The following SLC4A8 variants were observed in gnomAD, a reference collection of about 807,000 sequenced individuals.
SLC4A8 encodes the protein electroneutral sodium bicarbonate exchanger 1.
A neutral mutation model predicts 125.0 loss-of-function variants in SLC4A8; 40 were observed. That is an observed-to-expected ratio of 0.32 (90% CI 0.25 to 0.42). The LOEUF is 0.42. Ranked by LOEUF, SLC4A8 falls within the 10% of genes least tolerant of loss-of-function variation. SLC4A8 has a pLI of 1.00. For missense variants in SLC4A8, 863 were observed against 1,355.1 expected (o/e 0.64, Z 5.70); for synonymous variants, 456 against 476.0 (o/e 0.96, Z 0.55).
chr12:51,490,562 CAAAAAAAAAAAA>C (rs767679317), intron 19 of SLC4A8, among the ~76,000 whole-genome samples: 1 of 37,568 alleles, frequency 2.7e-5, no homozygotes, highest in African/African-American at 1.1e-4. Flanking sequence ...GACTCCATCT[CAAAAAAAAAAAA>C]AAAAAAAAAA....
chr12:51,492,603 CA>C (rs1951347309), intron 19 of SLC4A8, among the ~76,000 whole-genome samples: 1 of 152,222 alleles, frequency 6.6e-6, no homozygotes, highest in African/African-American at 2.4e-5. Context: ...AGTTCACAAA[CA>C]ACATCGAATT....
At chr12:51,457,283 C>G in intron 5 of SLC4A8, 68 bp from the exon 6 acceptor site, 1 of 1,389,266 alleles carries the variant, frequency 7.2e-7, no homozygotes, top group Non-Finnish European at 1.0e-6. Context: ...CCCCACTCCA[C>G]CTGATGTTGG....
chr12:51,490,908 G>A (rs1264954467), intron 19 of SLC4A8, among the ~76,000 whole-genome samples: 1 of 152,324 alleles, frequency 6.6e-6, no homozygotes, highest in Admixed American at 6.5e-5. Context: ...GACCAGTGAA[G>A]CTGTTGCAGG....
At chr12:51,415,180 GAA>G (rs879491124) in intron 1 of SLC4A8, among the ~76,000 whole-genome samples, 2 of 143,756 alleles carry the variant, frequency 1.4e-5, no homozygotes, top group Non-Finnish European at 1.5e-5. Context: ...TTTACCATTG[GAA>G]AAAAAAAAAG....
At chr12:51,484,108 T>C (rs999254352) in intron 16 of SLC4A8, among the ~76,000 whole-genome samples, 11 of 152,020 alleles carry the variant, frequency 7.2e-5, no homozygotes, top group African/African-American at 2.7e-4. Context: ...CAATACAGGG[T>C]ACATAAATGG....
intron 16 of SLC4A8, chr12:51,480,611 T>C: frequency 1.0e-6 from 1 of 985,610 alleles, no homozygotes. Flanking sequence ...GAAAACATAA[T>C]GTGTCAAAAT....
chr12:51,402,561 A>C (rs577660529), intron 1 of SLC4A8, among the ~76,000 whole-genome samples: 1 of 152,204 alleles, frequency 6.6e-6, no homozygotes, highest in African/African-American at 2.4e-5. Flanking sequence ...GTCCCTACTA[A>C]AAATGCAAAA....
intron 1 of SLC4A8, among the ~76,000 whole-genome samples, chr12:51,396,534 A>T (rs1490319556): frequency 6.6e-6 from 1 of 152,162 alleles, no homozygotes; most frequent in Non-Finnish European, 1.5e-5. Context: ...TGATGGACAA[A>T]GTATCAAAAA....
At chr12:51,426,956 T>TG (rs1949007665) in intron 1 of SLC4A8, among the ~76,000 whole-genome samples, 1 of 148,700 alleles carries the variant, frequency 6.7e-6, no homozygotes, top group South Asian at 2.1e-4. Context: ...TTTTTTTTTT[T>TG]GAGATGGAGT....
intron 1 of SLC4A8, among the ~76,000 whole-genome samples, chr12:51,411,888 C>A (rs1458655052): frequency 6.6e-6 from 1 of 151,854 alleles, no homozygotes; most frequent in Admixed American, 6.6e-5. Flanking sequence ...AGGTTGAAAC[C>A]CTTTCTCTAC....
At chr12:51,419,096 G>A (rs780058108) in intron 1 of SLC4A8, among the ~76,000 whole-genome samples, 6 of 152,156 alleles carry the variant, frequency 3.9e-5, no homozygotes, top group Admixed American at 2.0e-4. Context: ...TGGCTGAATG[G>A]AATTATATTT....
At chr12:51,441,575 T>C (rs1949599816) in intron 2 of SLC4A8, among the ~76,000 whole-genome samples, 1 of 152,214 alleles carries the variant, frequency 6.6e-6, no homozygotes, top group Admixed American at 6.5e-5. Flanking sequence ...GGAAGGCTCA[T>C]GTCCAGTATC....
intron 22 of SLC4A8, among the ~76,000 whole-genome samples, chr12:51,502,605 C>A (rs188778412): frequency 6.0e-5 from 9 of 150,852 alleles, no homozygotes; most frequent in Admixed American, 4.0e-4. Flanking sequence ...AAAAACTGGT[C>A]AACATCATGC....
At chr12:51,408,775 G>T (rs1160523717) in intron 1 of SLC4A8, among the ~76,000 whole-genome samples, 1 of 152,170 alleles carries the variant, frequency 6.6e-6, no homozygotes, top group Non-Finnish European at 1.5e-5. Context: ...TGTCAAGGGA[G>T]CCATTGCTGG....
chr12:51,488,665 T>TTA (rs758787822), intron 17 of SLC4A8, 34 bp from the exon 18 acceptor site: 1 of 1,583,202 alleles, frequency 6.3e-7, no homozygotes, highest in Non-Finnish European at 8.7e-7. Context: ...TGACTATAAC[T>TTA]TAAAATACAA....
rs533721842 is a variant in SLC4A8 at position 51,463,409 on chromosome 12, G to C, written c.1249-205G>C. 9.8e-3 allele frequency among the ~76,000 whole-genome samples: 1,228 copies of C among 125,584 alleles called. 11 individuals carry two copies. Among genetic ancestry groups the C allele is most frequent in the African/African-American group, 0.037 (1,162 of 31,096 alleles). The allele number at this position is 125,584 out of a possible 152,430, so 82.4% of individuals were successfully genotyped here. On this transcript the variant is annotated intron_variant, in intron 10 of 24. Coordinates refer to ENST00000453097, the MANE Select transcript of SLC4A8 (RefSeq NM_001039960.3). Reference sequence around the variant, plus strand: ...CTATGGAACAGGAAGAGAAATTATGGGGTGTGTGTGTGTGTGTGTGTGTGT... The same window carrying C: ...CTATGGAACAGGAAGAGAAATTATGCGGTGTGTGTGTGTGTGTGTGTGTGT...
intron 1 of SLC4A8, among the ~76,000 whole-genome samples, chr12:51,436,473 A>G (rs765567675): frequency 3.3e-5 from 5 of 152,166 alleles, no homozygotes; most frequent in Admixed American, 1.3e-4. Flanking sequence ...ATTTTACATT[A>G]TGTAAATTAT....
At chr12:51,447,101 G>A (rs887296039) in intron 2 of SLC4A8, among the ~76,000 whole-genome samples, 2 of 90,210 alleles carry the variant, frequency 2.2e-5, no homozygotes, top group African/African-American at 7.9e-5. Context: ...TAGAGATAGG[G>A]TCTCATTCTG....
Position 51,396,925 on chromosome 12 carries a change from A to ATTTTTTTTT in SLC4A8, c.-112+5451_-112+5459dup, listed in dbSNP as rs753146267. Among the ~76,000 whole-genome samples the ATTTTTTTTT allele has an allele frequency of 2.7e-4, 29 of 106,306 alleles. 1 individual carries two copies. The highest frequency in any genetic ancestry group is 3.7e-4 in the Non-Finnish European group (21 of 56,072). 69.7% of individuals were successfully genotyped at this position (106,306 alleles called of 152,430 possible). A position where few individuals can be genotyped will look rare whatever the true frequency, so the allele number is the denominator to read the frequency against. On this transcript the variant is annotated intron_variant, in intron 1 of 24. Coordinates refer to the SLC4A8 transcript ENST00000358657. ...TATGATTTTACTTCAGCCTTAGTTA[A>ATTTTTTTTT]TTTTTTTTTTTTTTTTTTTTTTGAG...
Sources: gnomAD v4.1 joint callset for allele counts (sites outside exome capture counted in the v4.1 genomes callset) on GRCh38, gnomAD v4.1.1 for gene constraint, MANE v1.5 for transcripts, NCBI Gene and HGNC (gene_info 2026-07-23, HGNC 2026-07-21) for gene names.